Variants in USH2A observed in about 807,000 individuals in gnomAD.
USH2A encodes the protein Usher syndrome 2A (autosomal recessive, mild).
A neutral mutation model predicts 538.9 loss-of-function variants in USH2A; 443 were observed. The ratio of observed to expected loss-of-function variants is 0.82; its 90% CI spans 0.76 to 0.89. The LOEUF is 0.89. Ranked by LOEUF, USH2A falls within the 40% of genes least tolerant of loss-of-function variation. The pLI is 0.00. For synonymous variants in USH2A, 2,413 were observed against 2,273.5 expected (o/e 1.06, Z -1.75); for missense variants, 6,633 against 6,324.8 (o/e 1.05, Z -1.65).
At chr1:216,237,751 C>A (rs1053854928) in intron 13 of USH2A, among the ~76,000 whole-genome samples, 5 of 152,164 alleles carry the variant, frequency 3.3e-5, no homozygotes, top group African/African-American at 9.7e-5. Context: ...TATCTATTAT[C>A]ATCTTTGTAA....
intron 47 of USH2A, among the ~76,000 whole-genome samples, chr1:215,835,747 G>A (rs1220884456): frequency 6.6e-6 from 1 of 152,012 alleles, no homozygotes; most frequent in Non-Finnish European, 1.5e-5. Context: ...GGAAAAAACA[G>A]TTTGTTTCCT....
intron 9 of USH2A, among the ~76,000 whole-genome samples, chr1:216,318,180 G>GT (rs2102646217): frequency 6.6e-6 from 1 of 152,260 alleles, no homozygotes; most frequent in Admixed American, 6.5e-5. Context: ...TTTGCCAAAT[G>GT]TCTGTAATAT....
intron 40 of USH2A, among the ~76,000 whole-genome samples, chr1:215,897,590 A>C (rs1241773399): frequency 6.6e-6 from 1 of 151,782 alleles, no homozygotes; most frequent in Admixed American, 6.6e-5. Context: ...TTGGGAGGCT[A>C]AGGCAGAAGA....
intron 34 of USH2A, among the ~76,000 whole-genome samples, chr1:215,997,146 T>A (rs1248265656): frequency 6.6e-6 from 1 of 152,172 alleles, no homozygotes; most frequent in African/African-American, 2.4e-5. Context: ...TCATTTAATT[T>A]ACTGCTTAAC....
intron 44 of USH2A, among the ~76,000 whole-genome samples, chr1:215,857,867 C>T (rs1172838208): frequency 2.0e-5 from 3 of 152,040 alleles, no homozygotes; most frequent in African/African-American, 7.2e-5. Flanking sequence ...GGGAAGTAAC[C>T]CTAATGGTGT....
At chr1:215,926,994 G>A (rs1460219507) in intron 38 of USH2A, among the ~76,000 whole-genome samples, 1 of 152,092 alleles carries the variant, frequency 6.6e-6, no homozygotes, top group Non-Finnish European at 1.5e-5. Flanking sequence ...TGACTACTCT[G>A]TAGTTCAAGG....
chr1:216,290,748 T>C (rs1205074707), intron 10 of USH2A, among the ~76,000 whole-genome samples: 1 of 152,080 alleles, frequency 6.6e-6, no homozygotes, highest in Non-Finnish European at 1.5e-5. Context: ...AGTGAACATA[T>C]CCACAACAGA....
intron 11 of USH2A, among the ~76,000 whole-genome samples, chr1:216,262,631 A>G (rs765207712): frequency 1.5e-4 from 23 of 152,092 alleles, no homozygotes; most frequent in Admixed American, 6.6e-4. Context: ...GAAAGACAAG[A>G]TGACAAAAAG....
At chr1:215,797,237 T>C (rs1453073983) in intron 50 of USH2A, among the ~76,000 whole-genome samples, 1 of 152,096 alleles carries the variant, frequency 6.6e-6, no homozygotes, top group African/African-American at 2.4e-5. Flanking sequence ...TAACAGAAGT[T>C]GGTTCATGAG....
At chr1:216,185,179 A>T (rs1430296726) in intron 20 of USH2A, among the ~76,000 whole-genome samples, 1 of 151,964 alleles carries the variant, frequency 6.6e-6, no homozygotes, top group Non-Finnish European at 1.5e-5. Flanking sequence ...CACTGCTTGA[A>T]GATTTTGCAA....
At chr1:215,962,480 A>G (rs1667225826) in intron 37 of USH2A, among the ~76,000 whole-genome samples, 1 of 152,112 alleles carries the variant, frequency 6.6e-6, no homozygotes, top group African/African-American at 2.4e-5. Context: ...AAGCTATATA[A>G]AGAATGAGGA....
In USH2A at chr1:216,232,262, G is replaced by A. The variant is rs779170179; in HGVS notation, c.2810-126C>T. ...GGCACTAATTCCCAATACAAATGTG[G>A]TTATATCTGTCCTTCAGTGTGTCAA... is the stretch of plus-strand genomic sequence containing the variant. On this transcript the variant is annotated intron_variant, in intron 13 of 71. Transcript: ENST00000307340. 3.4e-5 allele frequency: 37 copies of A among 1,082,976 alleles called. No homozygotes were observed. In the South Asian group the frequency reaches 6.3e-4, roughly 19 times the overall value. 67.1% of individuals were successfully genotyped at this position (1,082,976 alleles called of 1,614,324 possible).
At chr1:216,341,722 C>T (rs1227695004) in intron 4 of USH2A, among the ~76,000 whole-genome samples, 1 of 152,038 alleles carries the variant, frequency 6.6e-6, no homozygotes, top group African/African-American at 2.4e-5. Flanking sequence ...CTTTGACAAG[C>T]TGTACAAAAA....
intron 11 of USH2A, among the ~76,000 whole-genome samples, chr1:216,259,719 G>T (rs746988934): frequency 6.6e-6 from 1 of 152,008 alleles, no homozygotes; most frequent in Admixed American, 6.6e-5. Flanking sequence ...CCCATTGTCA[G>T]AAAAATATGC....
chr1:216,017,249 A>G (rs1668736444), intron 32 of USH2A, among the ~76,000 whole-genome samples: 1 of 152,076 alleles, frequency 6.6e-6, no homozygotes, highest in South Asian at 2.1e-4. Flanking sequence ...ACACATACAA[A>G]AACACACACG....
intron 51 of USH2A, among the ~76,000 whole-genome samples, chr1:215,788,941 CAAAACA>C (rs1219866866): frequency 6.6e-6 from 1 of 151,394 alleles, no homozygotes; most frequent in Non-Finnish European, 1.5e-5. Context: ...CAAAACAAAA[CAAAACA>C]AAAAAACAGG....
At chr1:215,794,215 T>C (rs1268957653) in intron 50 of USH2A, among the ~76,000 whole-genome samples, 1 of 152,206 alleles carries the variant, frequency 6.6e-6, no homozygotes, top group Admixed American at 6.5e-5. Flanking sequence ...ATAAAATACA[T>C]ATTGACAAAG....
chr1:216,190,495 A>T, intron 19 of USH2A, 128 bp from the exon 20 acceptor site: 3 of 1,218,764 alleles, frequency 2.5e-6, no homozygotes, highest in Non-Finnish European at 2.3e-6. Flanking sequence ...CATTAGGAAA[A>T]GGGTTTTTTT....
At chr1:216,406,114 C>A (rs2039390798) in intron 3 of USH2A, among the ~76,000 whole-genome samples, 1 of 152,084 alleles carries the variant, frequency 6.6e-6, no homozygotes, top group Admixed American at 6.6e-5. Context: ...AACTTTTCTG[C>A]AACTCGGCTG....
Sources: gnomAD v4.1 joint callset for allele counts (sites outside exome capture counted in the v4.1 genomes callset) on GRCh38, gnomAD v4.1.1 for gene constraint, MANE v1.5 for transcripts, NCBI Gene and HGNC (gene_info 2026-07-23, HGNC 2026-07-21) for gene names.